The following NEK10 variants were observed in gnomAD, a reference collection of about 807,000 sequenced individuals.
NEK10 encodes the protein NIMA related kinase 10.
Under a neutral mutation model 159.8 loss-of-function variants are expected in NEK10, and 122 were observed. The observed-to-expected ratio is 0.76, with a 90% CI of 0.66 to 0.89. NEK10 has a LOEUF of 0.89. Ranked by LOEUF, NEK10 falls within the 40% of genes least tolerant of loss-of-function variation. NEK10 has a pLI of 0.00. For synonymous variants in NEK10, 466 were observed against 457.1 expected (o/e 1.02, Z -0.25); for missense variants, 1,342 against 1,323.1 (o/e 1.01, Z -0.22).
chr3:27,338,758 T>C (rs1286399442), intron 5 of NEK10, among the ~76,000 whole-genome samples: 1 of 152,168 alleles, frequency 6.6e-6, no homozygotes. Context: ...TCCTTTGCCC[T>C]CTTTTTGATG....
chr3:27,354,859 C>G (rs1181328512), intron 1 of NEK10, among the ~76,000 whole-genome samples: 1 of 152,172 alleles, frequency 6.6e-6, no homozygotes, highest in Admixed American at 6.5e-5. Flanking sequence ...GAGCCTGGCT[C>G]TCATATTCCT....
intron 30 of NEK10, among the ~76,000 whole-genome samples, chr3:27,149,910 G>C (rs1944665181): frequency 6.6e-6 from 1 of 152,182 alleles, no homozygotes; most frequent in African/African-American, 2.4e-5. Flanking sequence ...AAAGATTTTT[G>C]TGGAAAATTA....
chr3:27,325,889 C>T (rs1406362201), intron 5 of NEK10, among the ~76,000 whole-genome samples: 1 of 152,184 alleles, frequency 6.6e-6, no homozygotes, highest in Non-Finnish European at 1.5e-5. Context: ...ACCACAGTTG[C>T]CATCAACACC....
At chr3:27,285,486 CAT>C (rs1238708733) in intron 20 of NEK10, among the ~76,000 whole-genome samples, 15 of 149,224 alleles carry the variant, frequency 1.0e-4, no homozygotes, top group African/African-American at 2.9e-4. Flanking sequence ...AAATAACACA[CAT>C]GATAGAAATT....
At chr3:27,167,403 A>G (rs1946581913) in intron 29 of NEK10, among the ~76,000 whole-genome samples, 1 of 152,214 alleles carries the variant, frequency 6.6e-6, no homozygotes, top group African/African-American at 2.4e-5. Flanking sequence ...ATAAATATCC[A>G]TCAATTAAAC....
chr3:27,305,216 A>G (rs1313887389), intron 11 of NEK10, among the ~76,000 whole-genome samples: 2 of 152,232 alleles, frequency 1.3e-5, no homozygotes, highest in East Asian at 3.8e-4. Context: ...TAGACAACAT[A>G]TAAAAATAAA....
chr3:27,360,616 T>C (rs1015991754), intron 1 of NEK10, among the ~76,000 whole-genome samples: 9 of 152,206 alleles, frequency 5.9e-5, no homozygotes, highest in African/African-American at 2.2e-4. Flanking sequence ...CTTGTTGATA[T>C]TGGCCCTTAG....
At chr3:27,301,630 T>C in intron 13 of NEK10, 66 bp downstream of exon 13, 2 of 1,274,390 alleles carry the variant, frequency 1.6e-6, no homozygotes, top group Non-Finnish European at 1.1e-6. Flanking sequence ...ACTACACTAA[T>C]CTATGATAGT....
At chr3:27,225,940 A>T (rs550331577) in intron 23 of NEK10, among the ~76,000 whole-genome samples, 93 of 152,360 alleles carry the variant, frequency 6.1e-4, no homozygotes, top group African/African-American at 2.0e-3. Context: ...ATAGGAAATG[A>T]GTTCATAAGA....
intron 23 of NEK10, among the ~76,000 whole-genome samples, chr3:27,227,298 T>C (rs1283953661): frequency 6.6e-6 from 1 of 151,948 alleles, no homozygotes; most frequent in Non-Finnish European, 1.5e-5. Context: ...CAGAGTCGCA[T>C]GAGAAAAGGT....
chr3:27,152,211 A>G (rs758146975), intron 30 of NEK10, among the ~76,000 whole-genome samples: 1 of 152,200 alleles, frequency 6.6e-6, no homozygotes, highest in Non-Finnish European at 1.5e-5. Flanking sequence ...CAAAGTTAAG[A>G]TGAAGGAAAG....
intron 32 of NEK10, 54 bp from the exon 33 acceptor site, chr3:27,119,922 A>T: frequency 7.5e-7 from 1 of 1,328,278 alleles, no homozygotes; most frequent in Non-Finnish European, 1.1e-6. Context: ...AGGAAATGGC[A>T]GGAGACCTCT....
intron 23 of NEK10, among the ~76,000 whole-genome samples, chr3:27,237,495 T>TCACA (rs1954065807): frequency 6.6e-6 from 1 of 152,208 alleles, no homozygotes; most frequent in Non-Finnish European, 1.5e-5. Flanking sequence ...CATGAAATCT[T>TCACA]CACAATTTAT....
chr3:27,312,595 C>T (rs899249071), intron 7 of NEK10, among the ~76,000 whole-genome samples: 4 of 152,056 alleles, frequency 2.6e-5, no homozygotes, highest in African/African-American at 9.7e-5. Context: ...CGTATATAAG[C>T]TCTGAATATA....
chr3:27,279,146 T>A (rs972715390), intron 22 of NEK10, among the ~76,000 whole-genome samples: 7 of 152,234 alleles, frequency 4.6e-5, no homozygotes, highest in African/African-American at 1.7e-4. Flanking sequence ...TATAAATAAG[T>A]GCAAACCAAC....
chr3:27,326,101 A>C (rs2045981404), intron 5 of NEK10, among the ~76,000 whole-genome samples: 1 of 152,224 alleles, frequency 6.6e-6, no homozygotes, highest in African/African-American at 2.4e-5. Context: ...GGGAAAAATA[A>C]ACCAAATTTG....
At chr3:27,161,072 C>G (rs182370480) in intron 30 of NEK10, among the ~76,000 whole-genome samples, 270 of 152,252 alleles carry the variant, frequency 1.8e-3, no homozygotes, top group African/African-American at 6.0e-3. Context: ...GAGATCTGAT[C>G]AGTGCCACCG....
intron 5 of NEK10, among the ~76,000 whole-genome samples, chr3:27,327,449 C>A (rs1228841793): frequency 6.6e-6 from 1 of 152,174 alleles, no homozygotes; most frequent in Non-Finnish European, 1.5e-5. Context: ...TCCTGCCACC[C>A]CTGTCCGTGA....
intron 23 of NEK10, among the ~76,000 whole-genome samples, chr3:27,204,994 T>C (rs1203438641): frequency 6.7e-6 from 1 of 149,538 alleles, no homozygotes; most frequent in Admixed American, 6.7e-5. Context: ...TTTTTAATGA[T>C]TGCCATTCTA....
Sources: allele counts gnomAD v4.1 joint callset (sites outside exome capture counted in the v4.1 genomes callset), GRCh38; gene constraint gnomAD v4.1.1; transcripts MANE v1.5; gene names NCBI Gene and HGNC (gene_info 2026-07-23, HGNC 2026-07-21).